The following UNC13C variants were observed in gnomAD, a reference collection of about 807,000 sequenced individuals.
UNC13C encodes the protein protein unc-13 homolog C.
UNC13C carries 174 observed loss-of-function variants against 245.4 expected under a neutral mutation model. The ratio of observed to expected loss-of-function variants is 0.71; its 90% CI spans 0.63 to 0.80. UNC13C has a LOEUF of 0.80. Among genes scored for constraint, UNC13C ranks in the 30% least tolerant of loss-of-function variants. The pLI, the probability that UNC13C is intolerant of heterozygous loss-of-function variation, is 0.00. For missense variants in UNC13C, 2,829 were observed against 2,602.9 expected (o/e 1.09, Z -1.89); for synonymous variants, 992 against 895.1 (o/e 1.11, Z -1.93).
chr15:53,957,135 TTTTGTTTG>T, the UNC13C span, among the ~76,000 whole-genome samples: 298 of 121,858 alleles, frequency 2.4e-3, 3 homozygotes, highest in South Asian at 5.8e-3. Flanking sequence ...GAATGTTCTT[TTTTGTTTG>T]TTTGTTTGTT....
chr15:53,856,691 G>A, the UNC13C span, among the ~76,000 whole-genome samples: 2 of 152,080 alleles, frequency 1.3e-5, no homozygotes, highest in Admixed American at 1.3e-4. Flanking sequence ...CATTTGCTGA[G>A]GAGTGTTTTC....
chr15:54,031,197 T>C (rs529377496), intron 2 of UNC13C, among the ~76,000 whole-genome samples: 22 of 152,286 alleles, frequency 1.4e-4, no homozygotes, highest in African/African-American at 5.1e-4. Context: ...TATTATCAAA[T>C]GGAAGCACTC....
chr15:54,293,420 T>C (rs1256106078), intron 10 of UNC13C, among the ~76,000 whole-genome samples: 1 of 152,062 alleles, frequency 6.6e-6, no homozygotes, highest in Admixed American at 6.6e-5. Context: ...TAATATCTTA[T>C]GTGCTTACTG....
At chr15:53,956,943 T>C in the UNC13C span, among the ~76,000 whole-genome samples, 91,658 of 150,350 alleles carry the variant, frequency 0.61, 28,876 homozygotes, top group East Asian at 0.84. Flanking sequence ...ATGGCAGCTC[T>C]GCATGTCCAA....
intron 1 of UNC13C, among the ~76,000 whole-genome samples, chr15:54,006,828 C>T (rs1449895995): frequency 6.6e-6 from 1 of 152,170 alleles, no homozygotes; most frequent in Non-Finnish European, 1.5e-5. Context: ...TCTCCAGCTA[C>T]TCTGGTTTTC....
chr15:53,859,875 C>A, the UNC13C span, among the ~76,000 whole-genome samples: 69,977 of 151,926 alleles, frequency 0.46, 16,419 homozygotes, highest in Middle Eastern at 0.59. Context: ...TTTTCTCTAA[C>A]GGTTTTGGAC....
intron 30 of UNC13C, among the ~76,000 whole-genome samples, chr15:54,603,340 G>C (rs1237710093): frequency 6.6e-6 from 1 of 152,122 alleles, no homozygotes; most frequent in Non-Finnish European, 1.5e-5. Context: ...TTATTGATGA[G>C]AAAAACACTT....
chr15:54,576,555 C>G (rs551417630), intron 30 of UNC13C, among the ~76,000 whole-genome samples: 1 of 152,172 alleles, frequency 6.6e-6, no homozygotes, highest in Non-Finnish European at 1.5e-5. Context: ...AGCCAGGACA[C>G]CTTTTAAGTA....
At chr15:54,454,438 C>T (rs1386612763) in intron 19 of UNC13C, among the ~76,000 whole-genome samples, 2 of 151,798 alleles carry the variant, frequency 1.3e-5, no homozygotes, top group South Asian at 2.1e-4. Flanking sequence ...GTTAGCCGGG[C>T]GTGTTGGCGG....
intron 30 of UNC13C, among the ~76,000 whole-genome samples, chr15:54,572,547 T>C (rs1404384569): frequency 1.3e-5 from 2 of 150,928 alleles, no homozygotes; most frequent in African/African-American, 4.9e-5. Context: ...TGCCTCAGCC[T>C]CCTGGGTAGC....
chr15:54,358,118 G>A (rs1043928535), intron 17 of UNC13C, among the ~76,000 whole-genome samples: 1 of 151,942 alleles, frequency 6.6e-6, no homozygotes. Context: ...CGTCAAAAAT[G>A]AGTTGGCTGT....
chr15:54,368,196 A>C (rs1329705474), intron 17 of UNC13C, among the ~76,000 whole-genome samples: 1 of 151,992 alleles, frequency 6.6e-6, no homozygotes, highest in Admixed American at 6.6e-5. Flanking sequence ...CCCATGTTAA[A>C]CCACAGATGG....
chr15:54,407,522 C>G (rs917664996), intron 18 of UNC13C, among the ~76,000 whole-genome samples: 3 of 152,114 alleles, frequency 2.0e-5, no homozygotes, highest in Non-Finnish European at 4.4e-5. Context: ...AAAATACAGG[C>G]TTCGGAAGAA....
chr15:54,435,950 A>C (rs1359357711), intron 19 of UNC13C, among the ~76,000 whole-genome samples: 1 of 152,026 alleles, frequency 6.6e-6, no homozygotes, highest in Non-Finnish European at 1.5e-5. Context: ...TCTCAAAAAA[A>C]GACAGTTATG....
chr15:54,217,820 C>A (rs2035088388), intron 4 of UNC13C, among the ~76,000 whole-genome samples: 3 of 151,846 alleles, frequency 2.0e-5, no homozygotes. Flanking sequence ...CTGACTAACC[C>A]TCTTTAGTGT....
chr15:54,191,263 T>A (rs1314864854), intron 4 of UNC13C, among the ~76,000 whole-genome samples: 3 of 152,086 alleles, frequency 2.0e-5, no homozygotes, highest in Admixed American at 1.3e-4. Context: ...ATGTGTTCTC[T>A]TTGTTCAATT....
At chr15:54,555,356 T>C in intron 28 of UNC13C, 76 bp from the exon 29 acceptor site, 2 of 1,205,552 alleles carry the variant, frequency 1.7e-6, no homozygotes, top group South Asian at 1.3e-5. Context: ...ATGGGGATAA[T>C]ACAGATTATG....
chr15:54,288,691 C>T (rs1425712970), intron 10 of UNC13C, among the ~76,000 whole-genome samples: 1 of 152,108 alleles, frequency 6.6e-6, no homozygotes, highest in African/African-American at 2.4e-5. Flanking sequence ...CTTATAGCGT[C>T]TGCCACCAAC....
At chr15:54,104,399 T>TA (rs1456645744) in intron 2 of UNC13C, among the ~76,000 whole-genome samples, 1 of 152,108 alleles carries the variant, frequency 6.6e-6, no homozygotes, top group Admixed American at 6.6e-5. Flanking sequence ...TATTCTTAGA[T>TA]TTTTTTCCCC....
Sources: allele counts gnomAD v4.1 joint callset (sites outside exome capture counted in the v4.1 genomes callset), GRCh38; gene constraint gnomAD v4.1.1; transcripts MANE v1.5; gene names NCBI Gene and HGNC (gene_info 2026-07-23, HGNC 2026-07-21).